The following DAP3 variants were observed in gnomAD, a reference collection of about 807,000 sequenced individuals.
The protein encoded by DAP3 is death associated protein 3, also known as small ribosomal subunit protein mS29.
Under a neutral mutation model 51.9 loss-of-function variants are expected in DAP3, and 28 were observed. The ratio of observed to expected loss-of-function variants is 0.54; its 90% CI spans 0.40 to 0.74. The LOEUF is 0.74. Among genes scored for constraint, DAP3 ranks in the 30% least tolerant of loss-of-function variants. DAP3 has a pLI of 0.00. For synonymous variants in DAP3, 170 were observed against 170.3 expected, an observed-to-expected ratio of 1.00 and a Z score of 0.01; for missense variants, 458 against 483.5, an observed-to-expected ratio of 0.95 and a Z score of 0.49.
intron 11 of DAP3, 193 bp from the exon 12 acceptor site, chr1:155,736,753 A>T: frequency 1.7e-6 from 1 of 589,338 alleles, no homozygotes. Flanking sequence ...GGCCACGTAG[A>T]GCACGAGTAG....
rs748960234 is a variant in DAP3 at position 155,731,900 on chromosome 1, C to A, written c.904-44C>A. The stretch of plus-strand genomic sequence containing the variant: ...ACAGATGATTAATGCAGTTTTCCAT[C>A]CTTTTTAACTTTTTCCAGTTCAGCC... On this transcript the variant is annotated intron_variant, in intron 10 of 12. Coordinates refer to ENST00000368336, the MANE Select transcript of DAP3 (RefSeq NM_004632.4). 4.5e-6 allele frequency: 7 copies of A among 1,540,328 alleles called. 1 individual carries two copies. The South Asian group carries it at 6.2e-5, about 14-fold the overall frequency.
At chr1:155,736,756 A>C in intron 11 of DAP3, 190 bp from the exon 12 acceptor site, 1 of 594,768 alleles carries the variant, frequency 1.7e-6, no homozygotes, top group Non-Finnish European at 3.0e-6. Flanking sequence ...CACGTAGAGC[A>C]CGAGTAGCCA....
intron 2 of DAP3, among the ~76,000 whole-genome samples, chr1:155,712,848 T>C (rs2149155328): frequency 1.3e-5 from 2 of 152,210 alleles, no homozygotes; most frequent in South Asian, 2.1e-4. Context: ...TTGAATAGTT[T>C]GTTTTCCACT....
intron 1 of DAP3, among the ~76,000 whole-genome samples, chr1:155,700,004 T>G (rs1654981438): frequency 6.6e-6 from 1 of 151,822 alleles, no homozygotes; most frequent in Non-Finnish European, 1.5e-5. Context: ...TGGCATGATC[T>G]TGGCTCACTG....
chr1:155,727,034 T>G (rs1481027086), intron 6 of DAP3: 1 of 152,454 alleles, frequency 6.6e-6, no homozygotes, highest in Non-Finnish European at 1.5e-5. Flanking sequence ...TTGTTTTGTT[T>G]TGTTTTGTTT....
chr1:155,709,924 G>T, intron 2 of DAP3, 100 bp downstream of exon 2: 1 of 1,136,302 alleles, frequency 8.8e-7, no homozygotes, highest in East Asian at 2.4e-5. Context: ...AAATGCTCTG[G>T]AAAACTTCAT....
At chr1:155,697,025 A>T (rs796341871) in intron 1 of DAP3, among the ~76,000 whole-genome samples, 4 of 152,164 alleles carry the variant, frequency 2.6e-5, no homozygotes, top group Non-Finnish European at 5.9e-5. Flanking sequence ...TACTTTTTTT[A>T]AAATTACATA....
At chr1:155,713,735 A>C (rs533322461) in intron 2 of DAP3, among the ~76,000 whole-genome samples, 2 of 152,188 alleles carry the variant, frequency 1.3e-5, no homozygotes, top group African/African-American at 4.8e-5. Flanking sequence ...TGTGACCTTA[A>C]TCAAAATTAC....
At chr1:155,688,274 G>T, upstream of DAP3, 1 of 1,592,192 alleles carries the variant, frequency 6.3e-7, no homozygotes, top group Non-Finnish European at 8.5e-7. Flanking sequence ...GGCGGATCCC[G>T]CAACCGACAC....
intron 2 of DAP3, chr1:155,710,036 CTTTATTAA>C: frequency 2.3e-6 from 1 of 430,580 alleles, no homozygotes; most frequent in South Asian, 6.6e-5. Context: ...CTGTAATTAT[CTTTATTAA>C]CTTTATTTCT....
At chr1:155,700,304 A>T (rs923712393) in intron 1 of DAP3, among the ~76,000 whole-genome samples, 4 of 152,158 alleles carry the variant, frequency 2.6e-5, no homozygotes, top group African/African-American at 9.7e-5. Context: ...GTTCTATGTG[A>T]TTTGCAAATA....
intron 2 of DAP3, among the ~76,000 whole-genome samples, chr1:155,711,142 G>T (rs1250326061): frequency 6.6e-6 from 1 of 151,864 alleles, no homozygotes; most frequent in East Asian, 1.9e-4. Flanking sequence ...ACGAAAGCAA[G>T]GATCAGCAGA....
At chr1:155,698,162 A>G (rs1654762067) in intron 1 of DAP3, among the ~76,000 whole-genome samples, 3 of 152,190 alleles carry the variant, frequency 2.0e-5, no homozygotes. Context: ...AGGTAATGCA[A>G]TCATCACAGG....
At chr1:155,724,879 G>C (rs1238008010) in intron 4 of DAP3, among the ~76,000 whole-genome samples, 1 of 151,580 alleles carries the variant, frequency 6.6e-6, no homozygotes, top group Non-Finnish European at 1.5e-5. Flanking sequence ...CACTTGAACT[G>C]GGAGGCAGAG....
At chr1:155,734,096 G>A (rs1659516565) in intron 11 of DAP3, among the ~76,000 whole-genome samples, 3 of 152,244 alleles carry the variant, frequency 2.0e-5, no homozygotes, top group South Asian at 4.2e-4. Flanking sequence ...GGTCAAGGCT[G>A]TAGTGGGCCC....
chr1:155,696,089 A>C (rs530394089), intron 1 of DAP3, among the ~76,000 whole-genome samples: 1 of 152,226 alleles, frequency 6.6e-6, no homozygotes, highest in South Asian at 2.1e-4. Context: ...AACAATTTGC[A>C]TATGAGCCTG....
chr1:155,688,242 C>CTT (rs755652910), upstream of DAP3: 48 of 1,610,704 alleles, frequency 3.0e-5, no homozygotes, highest in East Asian at 1.0e-3. Flanking sequence ...AGGTGGAGGG[C>CTT]TAAAGGGGCA....
rs1285243859 is a variant in DAP3 at position 155,716,902 on chromosome 1, C to T, written c.46-104C>T. 9 of 1,471,888 alleles carry T rather than the reference C, an allele frequency of 6.1e-6. No individual in the cohort carries two copies. In the African/African-American group the frequency reaches 1.0e-4, roughly 16 times the overall value. The allele number at this position is 1,471,888 out of a possible 1,614,324, so 91.2% of individuals were successfully genotyped here. On this transcript the variant is annotated intron_variant, in intron 2 of 12. Transcript: ENST00000368336. Reference sequence around the variant, plus strand: ...GCGGAGGTTGTAGTGAGCCTGAGATCACGCCATTGCACTCCAGCTTGGGCA... The same window carrying T: ...GCGGAGGTTGTAGTGAGCCTGAGATTACGCCATTGCACTCCAGCTTGGGCA...
At chr1:155,707,832 T>C (rs1421300199) in intron 1 of DAP3, among the ~76,000 whole-genome samples, 1 of 152,218 alleles carries the variant, frequency 6.6e-6, no homozygotes, top group Admixed American at 6.6e-5. Flanking sequence ...ATGCCAGATG[T>C]AATAGCGTTC....
Sources: allele counts gnomAD v4.1 joint callset (sites outside exome capture counted in the v4.1 genomes callset), GRCh38; gene constraint gnomAD v4.1.1; transcripts MANE v1.5; gene names NCBI Gene and HGNC (gene_info 2026-07-23, HGNC 2026-07-21).